The following COG1 variants were observed in gnomAD, a reference collection of about 807,000 sequenced individuals.
COG1 encodes the protein component of oligomeric golgi complex 1.
A neutral mutation model predicts 102.2 loss-of-function variants in COG1; 61 were observed. That is an observed-to-expected ratio of 0.60 (90% CI 0.49 to 0.74). COG1 has a LOEUF of 0.74. Ranked by LOEUF, COG1 falls within the 30% of genes least tolerant of loss-of-function variation. The pLI is 0.00. For synonymous variants in COG1, 454 were observed against 493.6 expected, an observed-to-expected ratio of 0.92 and a Z score of 1.06; for missense variants, 1,164 against 1,232.1, an observed-to-expected ratio of 0.94 and a Z score of 0.83.
chr17:73,203,612 A>T lies in COG1; in HGVS notation c.2221-20A>T. Reference sequence around the variant, plus strand: ...TTAATTGGTGCAAGTTGGCAATGTGACATTTCTTTGTTCTTTTAGCCGTCC... The same window carrying T: ...TTAATTGGTGCAAGTTGGCAATGTGTCATTTCTTTGTTCTTTTAGCCGTCC... On this transcript the variant is annotated intron_variant, in intron 8 of 13. Coordinates refer to ENST00000299886, the MANE Select transcript of COG1 (RefSeq NM_018714.3). 1 of 1,614,136 alleles carries T rather than the reference A, an allele frequency of 6.2e-7. No individual in the cohort carries two copies. Among genetic ancestry groups the T allele is most frequent in the Non-Finnish European group, 8.5e-7 (1 of 1,179,980 alleles).
chr17:73,201,244 C>A lies in COG1; in HGVS notation c.1417C>A (p.Leu473Ile). The A allele has an allele frequency of 6.2e-7, 1 of 1,614,252 alleles. No individual in the cohort carries two copies. The highest frequency in any genetic ancestry group is 1.1e-5 in the South Asian group (1 of 91,088). The change falls in exon 7 of 14, where the codon CTC (leucine) becomes ATC (isoleucine). Residue 473 changes from leucine (L) to isoleucine (I), a missense_variant. Transcript: ENST00000299886. ...CATCCACTTTGAGTACAACATGTCG[C>A]TCTTCCTCTGGTCTGAGAGTCCTAA... ...KHIHFEYNMS[L>I]FLWSESPNDL...
At chr17:73,198,058 T>C (rs2061332386) in intron 4 of COG1, among the ~76,000 whole-genome samples, 1 of 22,916 alleles carries the variant, frequency 4.4e-5, no homozygotes, top group Non-Finnish European at 7.5e-4. Flanking sequence ...TGAATTTGGC[T>C]TTTAGGTGGA....
In COG1 at chr17:73,208,422, C is replaced by T. The variant is rs1351404074; in HGVS notation, c.2914C>T (p.Leu972Phe). ...DNTSAPSLFK[L>F]GWLSSMTK ...CACGTCTGCACCTTCATTATTCAAA[C>T]TTGGCTGGCTCTCTAGTATGACTAA... Residue 972 changes from leucine (L) to phenylalanine (F), a missense_variant, in exon 14 of 14, where the codon CTT (leucine) becomes TTT (phenylalanine). By Grantham distance (22) the Leu-to-Phe change is conservative. Transcript: ENST00000299886. 2.5e-6 allele frequency: 4 copies of T among 1,614,124 alleles called. No homozygotes were observed. In the African/African-American group the frequency reaches 4.0e-5, roughly 16 times the overall value.
In COG1 at chr17:73,203,690, G is replaced by C. The variant is rs1229576588; in HGVS notation, c.2279G>C (p.Gly760Ala). The change falls in exon 9 of 14, where the codon GGA (glycine) becomes GCA (alanine). Residue 760 changes from glycine (G) to alanine (A), a missense_variant. Gly to Ala is a moderately conservative substitution (Grantham distance 60). Coordinates refer to ENST00000299886, the MANE Select transcript of COG1 (RefSeq NM_018714.3). Reference sequence around the variant, plus strand: ...TTATGCCAGGAAATTAATCGGGTTGGAGGCCATGCCTTGCCAAAGGTGACA... The same window carrying C: ...TTATGCCAGGAAATTAATCGGGTTGCAGGCCATGCCTTGCCAAAGGTGACA... ...FSLCQEINRVGGHALPKVTLQ... is the reference protein window; with the variant it reads ...FSLCQEINRVAGHALPKVTLQ... 1.2e-6 allele frequency: 2 copies of C among 1,614,208 alleles called. No individual in the cohort carries two copies. The highest frequency in any genetic ancestry group is 1.7e-6 in the Non-Finnish European group (2 of 1,180,024).
Position 73,201,522 on chromosome 17 carries a change from C to T in COG1, c.1695C>T (p.Thr565=), listed in dbSNP as rs760702621. ...TTGACAGATACGCAGATGCGGGGAC[C>T]GTGCAGGAGATGCTGCGGACTCAGT... The part of the protein sequence containing the change: ...SAFDRYADAG[T]VQEMLRTQSV... Residue 565 remains threonine, a synonymous_variant, in exon 7 of 14, where the codon ACC becomes ACT. Coordinates refer to ENST00000299886, the MANE Select transcript of COG1 (RefSeq NM_018714.3). 2.1e-5 allele frequency: 34 copies of T among 1,614,130 alleles called. No individual in the cohort carries two copies. Among genetic ancestry groups the T allele is most frequent in the Middle Eastern group, 1.6e-4 (1 of 6,084 alleles).
chr17:73,200,427 C>A (rs141880412), intron 5 of COG1, 139 bp from the exon 6 acceptor site: 2 of 886,006 alleles, frequency 2.3e-6, no homozygotes, highest in Non-Finnish European at 3.8e-6. Flanking sequence ...TGCTACAGGT[C>A]TATCAACACT....
chr17:73,207,403 G>A, intron 13 of COG1, 147 bp downstream of exon 13: 1 of 821,058 alleles, frequency 1.2e-6, no homozygotes, highest in Admixed American at 2.0e-5. Flanking sequence ...CAATAGAGAA[G>A]TACAAGGTTT....
At chr17:73,202,953 A>G (rs1205738897) in intron 7 of COG1, 47 bp from the exon 8 acceptor site, 1 of 1,604,198 alleles carries the variant, frequency 6.2e-7, no homozygotes, top group Non-Finnish European at 8.5e-7. Context: ...AAGAAACTCT[A>G]CAGAGGATCT....
intron 8 of COG1, 158 bp from the exon 9 acceptor site, chr17:73,203,474 G>C: frequency 2.2e-6 from 2 of 890,742 alleles, no homozygotes; most frequent in South Asian, 3.0e-5. Context: ...CACTTAACCA[G>C]GGGCCTTGTG....
rs75460067 is a variant in COG1 at position 73,196,713 on chromosome 17, T to C, written c.522T>C (p.Pro174=). 3.5e-3 allele frequency: 5,609 copies of C among 1,614,118 alleles called. 100 individuals carry two copies. Among genetic ancestry groups the C allele is most frequent in the East Asian group, 0.033 (1,488 of 44,882 alleles). Residue 174 remains proline, a synonymous_variant, in exon 2 of 14, where the codon CCT becomes CCC. Coordinates refer to ENST00000299886, the MANE Select transcript of COG1 (RefSeq NM_018714.3). ...ACAGTCCCGTCCTCTCCCGGTTTCC[T>C]ATACTCATCCGGCAGGTGGCAGCCG... ...SRYSPVLSRF[P]ILIRQVAAAS...
At chr17:73,207,492 T>A in intron 13 of COG1, 2 of 634,848 alleles carry the variant, frequency 3.2e-6, no homozygotes, top group Non-Finnish European at 5.5e-6. Context: ...ATGTAGAAAA[T>A]ATACAGGACA....
At position 73,193,350 on chromosome 17, in the gene COG1, G is replaced by C. The variant is rs1418503320; in HGVS notation, c.281G>C (p.Gly94Ala). 1 of 1,505,540 alleles carries C rather than the reference G, an allele frequency of 6.6e-7. No individual in the cohort carries two copies. The highest frequency in any genetic ancestry group is 2.1e-5 in the Admixed American group (1 of 46,936). 93.3% of individuals were successfully genotyped at this position (1,505,540 alleles called of 1,614,324 possible). Residue 94 changes from glycine (G) to alanine (A), a missense_variant, in exon 1 of 14, where the codon GGC becomes GCC. By Grantham distance (60) the Gly-to-Ala change is moderately conservative. Coordinates refer to ENST00000299886, the MANE Select transcript of COG1 (RefSeq NM_018714.3). ...TACTGCGCCCGCCTCCGCCAGGCCG[G>C]CTCGGCCGCGCCCCGGCCACCGCGG... ...DQYCARLRQA[G>A]SAAPRPPRAQ... is the part of the protein sequence containing the mutation.
intron 5 of COG1, 84 bp from the exon 6 acceptor site, chr17:73,200,482 T>C (rs979187708): frequency 4.4e-5 from 50 of 1,140,064 alleles, no homozygotes; most frequent in Non-Finnish European, 6.5e-5. Context: ...TAAGAGATTG[T>C]CAAATGGGAT....
At chr17:73,201,051 T>G (rs1052606294) in intron 6 of COG1, 58 bp from the exon 7 acceptor site, 9 of 1,486,084 alleles carry the variant, frequency 6.1e-6, no homozygotes, top group Non-Finnish European at 8.4e-6. Context: ...TTGGTACTTT[T>G]GTTTTGAAAT....
At position 73,208,451 on chromosome 17, in the gene COG1, A is replaced by G. The variant is rs2061396751; in HGVS notation, c.2943A>G (p.Ter981=). ...GCTGGCTCTCTAGTATGACTAAGTA[A>G]CATGGCAACACATCTGTCTCTCCCT... is the stretch of plus-strand genomic sequence containing the variant. ...KLGWLSSMTK[*] The change falls in exon 14 of 14, where the codon TAA becomes TAG. Residue 981 remains the stop codon, a stop_retained_variant. Coordinates refer to ENST00000299886, the MANE Select transcript of COG1 (RefSeq NM_018714.3). 2 of 1,613,894 alleles carry G rather than the reference A, an allele frequency of 1.2e-6. No homozygotes were observed. Among genetic ancestry groups the G allele is most frequent in the Non-Finnish European group, 1.7e-6 (2 of 1,179,946 alleles).
intron 4 of COG1, among the ~76,000 whole-genome samples, chr17:73,198,557 G>A (rs2061334200): frequency 6.6e-6 from 1 of 152,160 alleles, no homozygotes; most frequent in African/African-American, 2.4e-5. Context: ...CTGCTTTCCT[G>A]CCTGGGTGAC....
intron 13 of COG1, chr17:73,207,974 A>G (rs1174660349): frequency 8.0e-7 from 1 of 1,256,430 alleles, no homozygotes; most frequent in Non-Finnish European, 1.0e-6. Flanking sequence ...TCCAGTCCCT[A>G]AGCATGGGCT....
chr17:73,198,958 C>T (rs1178550415), intron 4 of COG1, among the ~76,000 whole-genome samples: 4 of 152,360 alleles, frequency 2.6e-5, no homozygotes, highest in African/African-American at 4.8e-5. Flanking sequence ...TATCTTTCAA[C>T]TCCACCTCCT....
At chr17:73,207,280 C>T (rs746902129) in intron 13 of COG1, 24 bp downstream of exon 13, 12 of 1,611,624 alleles carry the variant, frequency 7.4e-6, no homozygotes, top group South Asian at 4.4e-5. Context: ...GCAAGAGGCT[C>T]ATCCGTGGAT....
Sources: gnomAD v4.1 joint callset for allele counts (sites outside exome capture counted in the v4.1 genomes callset) on GRCh38, gnomAD v4.1.1 for gene constraint, MANE v1.5 for transcripts, NCBI Gene and HGNC (gene_info 2026-07-23, HGNC 2026-07-21) for gene names.